Variants in MAF observed in about 807,000 individuals in gnomAD.
MAF encodes the protein MAF bZIP transcription factor.
Under a neutral mutation model 22.0 loss-of-function variants are expected in MAF, and 10 were observed. The observed-to-expected ratio is 0.45, with a 90% CI of 0.28 to 0.77. MAF has a LOEUF of 0.77. Among genes scored for constraint, MAF ranks in the 30% least tolerant of loss-of-function variants. MAF has a pLI of 0.12. For missense variants in MAF, 544 were observed against 548.4 expected, an observed-to-expected ratio of 0.99 and a Z score of 0.08; for synonymous variants, 337 against 255.8, an observed-to-expected ratio of 1.32 and a Z score of -3.03.
chr16:79,415,351 G>C, the MAF span, among the ~76,000 whole-genome samples: 1 of 151,572 alleles, frequency 6.6e-6, no homozygotes, highest in Admixed American at 6.6e-5. Context: ...GAACAGGCAG[G>C]CAGGCAGGCA....
chr16:79,567,548 T>G, the MAF span, among the ~76,000 whole-genome samples: 1 of 152,042 alleles, frequency 6.6e-6, no homozygotes, highest in African/African-American at 2.4e-5. Flanking sequence ...ATTAGCAAAC[T>G]AGTTTTGTCT....
chr16:79,595,139 A>AT, intron 1 of MAF: 1 of 1,019,180 alleles, frequency 9.8e-7, no homozygotes. Context: ...AAAAAAAAAA[A>AT]GGAAAGAAAT....
the MAF span, among the ~76,000 whole-genome samples, chr16:79,241,688 G>A: frequency 6.6e-6 from 1 of 151,934 alleles, no homozygotes; most frequent in Non-Finnish European, 1.5e-5. Context: ...AGGAAATACG[G>A]ACAACGCCAC....
chr16:79,249,406 G>A, the MAF span, among the ~76,000 whole-genome samples: 4 of 126,542 alleles, frequency 3.2e-5, no homozygotes, highest in East Asian at 2.3e-4. Context: ...GTGACAGAGT[G>A]AAACTCCGTT....
At chr16:79,218,398 T>A in the MAF span, among the ~76,000 whole-genome samples, 1 of 152,220 alleles carries the variant, frequency 6.6e-6, no homozygotes, top group Non-Finnish European at 1.5e-5. Context: ...TCAATTAGCA[T>A]CTTTATGCAT....
At chr16:79,263,189 G>A in the MAF span, among the ~76,000 whole-genome samples, 8 of 152,196 alleles carry the variant, frequency 5.3e-5, no homozygotes, top group African/African-American at 1.9e-4. Context: ...TATATCTAGG[G>A]AGGCCGGGAA....
downstream of MAF, among the ~76,000 whole-genome samples, chr16:79,591,411 A>C (rs1913184334): frequency 6.6e-6 from 1 of 152,130 alleles, no homozygotes; most frequent in African/African-American, 2.4e-5. Flanking sequence ...ATTGTAACTA[A>C]AGATCTAAGG....
At chr16:79,208,631 A>ATCTT in the MAF span, among the ~76,000 whole-genome samples, 1 of 151,188 alleles carries the variant, frequency 6.6e-6, no homozygotes, top group African/African-American at 2.4e-5. Context: ...TGCTCTTTAA[A>ATCTT]TTTTTTTTTT....
At chr16:79,336,052 G>A in the MAF span, among the ~76,000 whole-genome samples, 1 of 152,200 alleles carries the variant, frequency 6.6e-6, no homozygotes, top group Non-Finnish European at 1.5e-5. Context: ...AGAAGCTAGG[G>A]CTATGGAGTG....
At chr16:79,321,475 G>A in the MAF span, among the ~76,000 whole-genome samples, 3 of 152,160 alleles carry the variant, frequency 2.0e-5, no homozygotes, top group African/African-American at 4.8e-5. Flanking sequence ...GAGAGGCCCA[G>A]TCAGTGACAG....
At chr16:79,253,920 A>C in the MAF span, among the ~76,000 whole-genome samples, 2 of 152,072 alleles carry the variant, frequency 1.3e-5, no homozygotes, top group African/African-American at 2.4e-5. Flanking sequence ...TAGTTGCTAA[A>C]GGGCTGGCTT....
chr16:79,495,907 C>G, the MAF span, among the ~76,000 whole-genome samples: 1 of 152,118 alleles, frequency 6.6e-6, no homozygotes, highest in South Asian at 2.1e-4. Flanking sequence ...TATGGAGTTT[C>G]TATTATAGTG....
At chr16:79,384,822 C>G in the MAF span, among the ~76,000 whole-genome samples, 3 of 152,126 alleles carry the variant, frequency 2.0e-5, no homozygotes, top group Non-Finnish European at 2.9e-5. Context: ...AGTGAAGATT[C>G]AGAAGTTACA....
the MAF span, among the ~76,000 whole-genome samples, chr16:79,215,390 CAG>C: frequency 6.6e-6 from 1 of 152,154 alleles, no homozygotes; most frequent in Non-Finnish European, 1.5e-5. Context: ...TTAGGCTGAT[CAG>C]AGAGGTGACT....
At chr16:79,211,230 C>A in the MAF span, among the ~76,000 whole-genome samples, 2 of 152,124 alleles carry the variant, frequency 1.3e-5, no homozygotes, top group African/African-American at 4.8e-5. Context: ...TATCGAATTA[C>A]ATTATACATG....
At chr16:79,332,720 C>G in the MAF span, among the ~76,000 whole-genome samples, 2 of 152,224 alleles carry the variant, frequency 1.3e-5, no homozygotes, top group Non-Finnish European at 2.9e-5. Context: ...TTACAAGTCT[C>G]CTTTGATGGA....
the MAF span, among the ~76,000 whole-genome samples, chr16:79,470,759 C>T: frequency 2.6e-5 from 4 of 152,060 alleles, no homozygotes; most frequent in Admixed American, 2.6e-4. Context: ...GAAGGCACTC[C>T]CTCTTGAATC....
chr16:79,220,835 C>T, the MAF span, among the ~76,000 whole-genome samples: 3 of 152,168 alleles, frequency 2.0e-5, no homozygotes, highest in African/African-American at 7.2e-5. Flanking sequence ...GTATGTTTCA[C>T]CCAGGTGGAT....
chr16:79,236,235 C>A, the MAF span, among the ~76,000 whole-genome samples: 1 of 152,064 alleles, frequency 6.6e-6, no homozygotes, highest in African/African-American at 2.4e-5. Flanking sequence ...AATACTTGAA[C>A]ATCATGGAGC....
Sources: gnomAD v4.1 joint callset for allele counts (sites outside exome capture counted in the v4.1 genomes callset) on GRCh38, gnomAD v4.1.1 for gene constraint, MANE v1.5 for transcripts, NCBI Gene and HGNC (gene_info 2026-07-23, HGNC 2026-07-21) for gene names.